The following MACROD2 variants were observed in gnomAD, a reference collection of about 807,000 sequenced individuals.
MACROD2 encodes mono-ADP ribosylhydrolase 2.
In MACROD2, 36 loss-of-function variants were observed where a neutral mutation model predicts 70.4. The observed-to-expected ratio is 0.51, with a 90% CI of 0.39 to 0.68. The LOEUF (loss-of-function observed/expected upper bound fraction) is 0.68, where lower values mean the gene tolerates loss of function less well. Among genes scored for constraint, MACROD2 ranks in the 30% least tolerant of loss-of-function variants. MACROD2 has a pLI of 0.00. For missense variants in MACROD2, 496 were observed against 538.4 expected (o/e 0.92, Z 0.78); for synonymous variants, 172 against 178.8 (o/e 0.96, Z 0.30).
chr20:15,013,850 G>A (rs1638487962), intron 5 of MACROD2, among the ~76,000 whole-genome samples: 1 of 152,148 alleles, frequency 6.6e-6, no homozygotes, highest in Admixed American at 6.5e-5. Flanking sequence ...GGAGCTTAGT[G>A]ACTGAAATGA....
At chr20:15,501,319 AATAGTAATCCAAGG>A (rs2047362093) in intron 8 of MACROD2, among the ~76,000 whole-genome samples, 1 of 152,248 alleles carries the variant, frequency 6.6e-6, no homozygotes. Context: ...TTTCCACTAG[AATAGTAATCCAAGG>A]ATATGCCCCA....
chr20:15,833,102 T>C (rs1197526538), intron 8 of MACROD2, among the ~76,000 whole-genome samples: 4 of 152,214 alleles, frequency 2.6e-5, no homozygotes, highest in African/African-American at 9.6e-5. Context: ...AACATGGCAT[T>C]CTACAGTAAT....
intron 2 of MACROD2, among the ~76,000 whole-genome samples, chr20:14,079,977 T>G (rs949942232): frequency 2.0e-5 from 3 of 152,064 alleles, no homozygotes; most frequent in Non-Finnish European, 4.4e-5. Context: ...AGACTGCTGT[T>G]ATAGGGTTCC....
chr20:14,229,993 A>G (rs1307301829), intron 3 of MACROD2, among the ~76,000 whole-genome samples: 3 of 152,208 alleles, frequency 2.0e-5, no homozygotes, highest in Admixed American at 2.0e-4. Context: ...ACTTTAGTCT[A>G]TTATTTGATA....
chr20:14,799,710 G>A (rs2072551576), intron 5 of MACROD2, among the ~76,000 whole-genome samples: 1 of 152,012 alleles, frequency 6.6e-6, no homozygotes, highest in African/African-American at 2.4e-5. Context: ...CTCACATTAA[G>A]TATATTAGGT....
At chr20:15,908,847 GC>G (rs2065189228) in intron 10 of MACROD2, among the ~76,000 whole-genome samples, 1 of 152,106 alleles carries the variant, frequency 6.6e-6, no homozygotes, top group Non-Finnish European at 1.5e-5. Flanking sequence ...CTCTTGCTTA[GC>G]TTTCCAAACA....
intron 3 of MACROD2, among the ~76,000 whole-genome samples, chr20:14,207,872 T>C (rs1483626902): frequency 6.6e-6 from 1 of 152,194 alleles, no homozygotes; most frequent in Non-Finnish European, 1.5e-5. Flanking sequence ...TGAATGCAAA[T>C]GCAAGGTACA....
At chr20:14,246,361 T>C (rs2081968285) in intron 3 of MACROD2, among the ~76,000 whole-genome samples, 1 of 152,216 alleles carries the variant, frequency 6.6e-6, no homozygotes, top group Non-Finnish European at 1.5e-5. Flanking sequence ...TAGATCAGGA[T>C]AATACGGGAT....
chr20:15,692,975 C>T (rs983459226), intron 8 of MACROD2, among the ~76,000 whole-genome samples: 7 of 152,178 alleles, frequency 4.6e-5, no homozygotes, highest in African/African-American at 1.7e-4. Flanking sequence ...AAAAGTGTGG[C>T]ACTTCCCACT....
At chr20:14,106,598 A>C (rs1224156963) in intron 3 of MACROD2, among the ~76,000 whole-genome samples, 3 of 152,160 alleles carry the variant, frequency 2.0e-5, no homozygotes, top group African/African-American at 7.2e-5. Context: ...GTAGCCAGGT[A>C]GTGGTTACAG....
At chr20:14,055,140 A>G (rs1387309613) in intron 2 of MACROD2, among the ~76,000 whole-genome samples, 1 of 152,166 alleles carries the variant, frequency 6.6e-6, no homozygotes, top group Non-Finnish European at 1.5e-5. Flanking sequence ...TGAAACTCCA[A>G]GGAAATATTT....
At chr20:14,495,873 C>A (rs998068668) in intron 4 of MACROD2, among the ~76,000 whole-genome samples, 5 of 152,102 alleles carry the variant, frequency 3.3e-5, no homozygotes, top group Non-Finnish European at 4.4e-5. Flanking sequence ...AGCAACTCAG[C>A]ATCATCATAA....
At chr20:14,252,374 T>G (rs2082020486) in intron 3 of MACROD2, among the ~76,000 whole-genome samples, 1 of 152,052 alleles carries the variant, frequency 6.6e-6, no homozygotes, top group Non-Finnish European at 1.5e-5. Flanking sequence ...TTGGCCACCT[T>G]TCCCTCATCT....
chr20:14,991,929 CTCCA>C (rs892688308), intron 5 of MACROD2, among the ~76,000 whole-genome samples: 2 of 152,008 alleles, frequency 1.3e-5, no homozygotes, highest in African/African-American at 4.8e-5. Context: ...CCATCCAACT[CTCCA>C]TCCATCCATC....
intron 8 of MACROD2, among the ~76,000 whole-genome samples, chr20:15,639,838 G>T (rs1483542510): frequency 6.6e-6 from 1 of 151,946 alleles, no homozygotes; most frequent in Non-Finnish European, 1.5e-5. Flanking sequence ...ACAAAGAGAA[G>T]AAGAGAAGGA....
chr20:15,080,743 T>G (rs2075697082), intron 5 of MACROD2, among the ~76,000 whole-genome samples: 1 of 152,166 alleles, frequency 6.6e-6, no homozygotes. Context: ...AAGCATAACA[T>G]GTTCGAAAAG....
At chr20:15,801,200 A>AAAAAAAAAAAAG (rs749268333) in intron 8 of MACROD2, among the ~76,000 whole-genome samples, 2 of 137,810 alleles carry the variant, frequency 1.5e-5, no homozygotes, top group East Asian at 2.4e-4. Flanking sequence ...AAAAAAAAAA[A>AAAAAAAAAAAAG]AAAACGAAAA....
chr20:15,772,096 AAAAAAATATATATAT>A (rs748032333), intron 8 of MACROD2, among the ~76,000 whole-genome samples: 2,239 of 101,416 alleles, frequency 0.022, 69 homozygotes, highest in East Asian at 0.066. Flanking sequence ...AAAAAAAAAA[AAAAAAATATATATAT>A]ATATATATAT....
chr20:15,525,514 G>T (rs968086591), intron 8 of MACROD2, among the ~76,000 whole-genome samples: 1 of 152,204 alleles, frequency 6.6e-6, no homozygotes, highest in African/African-American at 2.4e-5. Flanking sequence ...GCCATGGTGA[G>T]ATTCAGAACC....
Sources: allele counts gnomAD v4.1 joint callset (sites outside exome capture counted in the v4.1 genomes callset), GRCh38; gene constraint gnomAD v4.1.1; transcripts MANE v1.5; gene names NCBI Gene and HGNC (gene_info 2026-07-23, HGNC 2026-07-21).